The following KIF27 variants were observed in gnomAD, a reference collection of about 807,000 sequenced individuals.
The protein encoded by KIF27 is kinesin family member 27.
KIF27 carries 84 observed loss-of-function variants against 141.8 expected under a neutral mutation model. The ratio of observed to expected loss-of-function variants is 0.59; its 90% CI spans 0.50 to 0.71. KIF27 has a LOEUF of 0.71. Among genes scored for constraint, KIF27 ranks in the 30% least tolerant of loss-of-function variants. The pLI, the probability that KIF27 is intolerant of heterozygous loss-of-function variation, is 0.00. For missense variants in KIF27, 1,306 were observed against 1,628.4 expected (o/e 0.80, Z 3.41); for synonymous variants, 471 against 569.5 (o/e 0.83, Z 2.46).
chr9:83,842,456 A>G, intron 16 of KIF27, 55 bp from the exon 17 acceptor site: 3 of 1,463,158 alleles, frequency 2.1e-6, no homozygotes, highest in Non-Finnish European at 2.7e-6. Flanking sequence ...ATGCAAAATT[A>G]TGTTTTTGTT....
chr9:83,888,742 T>TG (rs1477487631), intron 7 of KIF27, 150 bp from the exon 8 acceptor site: 2 of 412,778 alleles, frequency 4.8e-6, no homozygotes, highest in East Asian at 8.2e-5. Context: ...AATAAAAGGA[T>TG]GCCCCCCCCA....
intron 12 of KIF27, 185 bp from the exon 13 acceptor site, chr9:83,868,045 G>A (rs1013347960): frequency 5.0e-5 from 28 of 561,312 alleles, no homozygotes; most frequent in Non-Finnish European, 7.9e-5. Context: ...ATGTAGCTAT[G>A]TTGTTTTATA....
At position 83,884,727 on chromosome 9, in the gene KIF27, T is replaced by C. The variant is rs2780166; in HGVS notation, c.2240-709A>G. ...TCAGTCCATATTCAGACTTCCCCAA[T>C]TGCCTCAAAATGTGTCTCACAATTG... On this transcript the variant is annotated intron_variant, in intron 9 of 17. Coordinates refer to ENST00000297814, the MANE Select transcript of KIF27 (RefSeq NM_017576.4). Among the ~76,000 whole-genome samples the C allele has an allele frequency of 7.9e-5, 12 of 152,030 alleles. 1 individual carries two copies. The highest frequency in any genetic ancestry group is 2.4e-4 in the African/African-American group (10 of 41,426).
At chr9:83,914,013 T>C (rs1268497576) in intron 2 of KIF27, among the ~76,000 whole-genome samples, 1 of 152,026 alleles carries the variant, frequency 6.6e-6, no homozygotes, top group Non-Finnish European at 1.5e-5. Context: ...TAGAGGGAAC[T>C]TTAGAGCAAT....
chr9:83,861,576 T>C (rs906465131), intron 13 of KIF27, among the ~76,000 whole-genome samples: 12 of 152,300 alleles, frequency 7.9e-5, no homozygotes, highest in African/African-American at 2.6e-4. Context: ...ATCCAGTCTA[T>C]CATTGTTGGA....
At chr9:83,866,969 A>C (rs1588083804) in intron 13 of KIF27, among the ~76,000 whole-genome samples, 5 of 140,194 alleles carry the variant, frequency 3.6e-5, no homozygotes, top group African/African-American at 1.3e-4. Context: ...AAAAAAAGAA[A>C]CCCCACACCT....
chr9:83,861,541 G>A (rs928991271), intron 13 of KIF27, among the ~76,000 whole-genome samples: 7 of 152,126 alleles, frequency 4.6e-5, no homozygotes, highest in Admixed American at 2.0e-4. Context: ...AGTATTCCAC[G>A]GTGTGTATGT....
intron 14 of KIF27, among the ~76,000 whole-genome samples, chr9:83,854,261 T>C (rs1948939704): frequency 1.3e-5 from 2 of 152,194 alleles, no homozygotes; most frequent in African/African-American, 4.8e-5. Context: ...TGTGTCAATA[T>C]TTCCACTAGT....
At chr9:83,921,123 C>G (rs1956230453) in intron 1 of KIF27, among the ~76,000 whole-genome samples, 2 of 149,214 alleles carry the variant, frequency 1.3e-5, no homozygotes, top group African/African-American at 5.0e-5. Flanking sequence ...CGCTCTGCCT[C>G]TAGTCGCTCG....
intron 6 of KIF27, 36 bp downstream of exon 6, chr9:83,891,259 A>G (rs767051908): frequency 6.3e-7 from 1 of 1,577,052 alleles, no homozygotes. Flanking sequence ...AAATTTTTTT[A>G]ATCTCCAAAT....
At chr9:83,876,279 T>C (rs925250863) in intron 11 of KIF27, among the ~76,000 whole-genome samples, 7 of 152,180 alleles carry the variant, frequency 4.6e-5, no homozygotes, top group African/African-American at 1.7e-4. Flanking sequence ...CTGGGTTATC[T>C]TATAGTGTCA....
intron 9 of KIF27, among the ~76,000 whole-genome samples, chr9:83,884,930 A>G (rs1310427345): frequency 6.6e-6 from 1 of 152,162 alleles, no homozygotes. Context: ...TAGAATAAAG[A>G]TATTTCTATA....
At chr9:83,879,410 G>A (rs1329913654) in intron 11 of KIF27, among the ~76,000 whole-genome samples, 2 of 150,838 alleles carry the variant, frequency 1.3e-5, no homozygotes, top group African/African-American at 2.4e-5. Context: ...GGCTAAACAT[G>A]TGCAGGGACA....
intron 11 of KIF27, among the ~76,000 whole-genome samples, chr9:83,875,705 A>G (rs1169185068): frequency 4.6e-5 from 7 of 152,168 alleles, no homozygotes; most frequent in Non-Finnish European, 8.8e-5. Context: ...AGCAAGGGGA[A>G]AACACTTCAA....
chr9:83,853,221 G>A (rs1948811670), intron 15 of KIF27, among the ~76,000 whole-genome samples: 1 of 151,900 alleles, frequency 6.6e-6, no homozygotes. Flanking sequence ...TGATGAGAAA[G>A]TACAGATTCC....
In KIF27 at chr9:83,915,504, C is replaced by G. The variant is rs759936405; in HGVS notation, c.88G>C (p.Val30Leu). 2 of 1,613,882 alleles carry G rather than the reference C, an allele frequency of 1.2e-6. No homozygotes were observed. The change falls in exon 2 of 18, where the codon GTT (valine) becomes CTT (leucine). Residue 30 changes from valine (V) to leucine (L), a missense_variant. Physicochemically the swap from Val to Leu is conservative, Grantham distance 32. Coordinates refer to ENST00000297814, the MANE Select transcript of KIF27 (RefSeq NM_017576.4). ...ALHNHQVCVR[V>L]IPNSQQVIIG... ...ATAACTTGCTGGCTGTTTGGAATAA[C>G]TCTCACACAAACTTGATGATTATGA...
In KIF27 at chr9:83,883,909, C is replaced by G; in HGVS notation, c.2349G>C (p.Gln783His). Reference protein sequence around the residue: ...VELIETQKQLQELENKDLSDV... With the variant: ...VELIETQKQLHELENKDLSDV... ...CAGAAAGATCTTTGTTTTCCAGCTC[C>G]TGTAGCTGCTTTTGTGTTTCAATCA... The change falls in exon 10 of 18, where the codon CAG becomes CAC. Residue 783 changes from glutamine (Q) to histidine (H), a missense_variant. Coordinates refer to ENST00000297814, the MANE Select transcript of KIF27 (RefSeq NM_017576.4). 6.2e-7 allele frequency: 1 copy of G among 1,613,486 alleles called. No individual in the cohort carries two copies. The highest frequency in any genetic ancestry group is 8.5e-7 in the Non-Finnish European group (1 of 1,179,526).
chr9:83,879,859 C>CAGGTCTGA (rs1951530650), intron 11 of KIF27, among the ~76,000 whole-genome samples: 1 of 152,200 alleles, frequency 6.6e-6, no homozygotes, highest in Admixed American at 6.5e-5. Flanking sequence ...GCTGTGCATA[C>CAGGTCTGA]AGGTCTGATC....
chr9:83,880,033 T>C, intron 11 of KIF27: 1 of 521,498 alleles, frequency 1.9e-6, no homozygotes, highest in Non-Finnish European at 3.4e-6. Flanking sequence ...TTTTGACAGC[T>C]TCAATTAAAG....
Sources: allele counts gnomAD v4.1 joint callset (sites outside exome capture counted in the v4.1 genomes callset), GRCh38; gene constraint gnomAD v4.1.1; transcripts MANE v1.5; gene names NCBI Gene and HGNC (gene_info 2026-07-23, HGNC 2026-07-21).